Variants in BRI3BP observed in about 807,000 individuals in gnomAD.
BRI3BP encodes the protein BRI3-binding protein.
Under a neutral mutation model 15.8 loss-of-function variants are expected in BRI3BP, and 7 were observed. The observed-to-expected ratio is 0.44, with a 90% CI of 0.25 to 0.83. The LOEUF is 0.83. Ranked by LOEUF, BRI3BP falls within the 40% of genes least tolerant of loss-of-function variation. The pLI is 0.20. For synonymous variants in BRI3BP, 192 were observed against 163.5 expected, an observed-to-expected ratio of 1.17 and a Z score of -1.33; for missense variants, 320 against 339.3, an observed-to-expected ratio of 0.94 and a Z score of 0.45.
Position 125,006,581 on chromosome 12 carries a change from A to T in BRI3BP, c.214-5953A>T, listed in dbSNP as rs199611648. 3.9e-5 allele frequency among the ~76,000 whole-genome samples: 6 copies of T among 152,292 alleles called. No individual in the cohort carries two copies. In the East Asian group the frequency reaches 1.2e-3, roughly 29 times the overall value. On this transcript the variant is annotated intron_variant, in intron 1 of 2. Coordinates refer to ENST00000341446, the MANE Select transcript of BRI3BP (RefSeq NM_080626.6). ...GGAGGTGACTGCTCAGCTTGCAGGG[A>T]GTTCCAGGTTGCCACCCTGCAACCC...
intron 1 of BRI3BP, among the ~76,000 whole-genome samples, chr12:125,003,209 G>C (rs1955111592): frequency 6.6e-6 from 1 of 152,204 alleles, no homozygotes; most frequent in African/African-American, 2.4e-5. Context: ...GGGTGATGGA[G>C]GTAAAGCGAG....
chr12:125,025,262 C>T lies in BRI3BP; in HGVS notation c.588C>T (p.Phe196=). Residue 196 remains phenylalanine, a synonymous_variant, in exon 3 of 3, where the codon TTC becomes TTT. Transcript: ENST00000341446. ...LPLCFVVAVY[F]MTGPMGFYWR... Reference sequence around the variant, plus strand: ...TGTGCTTCGTGGTGGCCGTCTACTTCATGACCGGGCCCATGGGCTTCTACT... The same window carrying T: ...TGTGCTTCGTGGTGGCCGTCTACTTTATGACCGGGCCCATGGGCTTCTACT... The T allele has an allele frequency of 6.2e-7, 1 of 1,614,158 alleles. No homozygotes were observed. Among genetic ancestry groups the T allele is most frequent in the South Asian group, 1.1e-5 (1 of 91,090 alleles).
chr12:125,018,574 C>T (rs1237512771), intron 2 of BRI3BP, among the ~76,000 whole-genome samples: 1 of 152,080 alleles, frequency 6.6e-6, no homozygotes, highest in African/African-American at 2.4e-5. Context: ...AGGAGAGGCC[C>T]GGGCAGATTC....
intron 1 of BRI3BP, among the ~76,000 whole-genome samples, chr12:125,001,129 A>T (rs1034344235): frequency 6.7e-6 from 1 of 150,158 alleles, no homozygotes; most frequent in Admixed American, 6.6e-5. Flanking sequence ...ATCTCGGCCC[A>T]CTGCAAGCTC....
intron 1 of BRI3BP, among the ~76,000 whole-genome samples, chr12:125,011,977 G>C (rs1388374105): frequency 6.6e-6 from 1 of 152,186 alleles, no homozygotes; most frequent in Non-Finnish European, 1.5e-5. Flanking sequence ...GACTGCTTGA[G>C]GCTTAGAGTT....
chr12:125,034,023 C>T (rs775974403), downstream of BRI3BP, among the ~76,000 whole-genome samples: 6 of 151,892 alleles, frequency 4.0e-5, no homozygotes, highest in African/African-American at 7.3e-5. Flanking sequence ...GGATTACAGG[C>T]GTGAGCCACC....
intron 1 of BRI3BP, among the ~76,000 whole-genome samples, 170 bp downstream of exon 1, chr12:124,994,173 C>A (rs1184362572): frequency 2.6e-5 from 4 of 151,670 alleles, no homozygotes; most frequent in African/African-American, 9.7e-5. Context: ...CCCCGCCGGG[C>A]CTGACCAGTG....
In BRI3BP at chr12:124,994,017, C is replaced by G. The variant is rs1432086152; in HGVS notation, c.213+14C>G. On this transcript the variant is annotated intron_variant, in intron 1 of 2. Transcript: ENST00000341446. ...GCCGCTCAGAAGGTGGGCGCCGGGC[C>G]CGCGCCCGCGGTCACCTTGCCCCGG... 1 of 1,318,062 alleles carries G rather than the reference C, an allele frequency of 7.6e-7. No individual in the cohort carries two copies. Among genetic ancestry groups the G allele is most frequent in the Non-Finnish European group, 9.8e-7 (1 of 1,020,872 alleles). The allele number at this position is 1,318,062 out of a possible 1,614,324, so 81.6% of individuals were successfully genotyped here. A position where few individuals can be genotyped will look rare whatever the true frequency, so the allele number is the denominator to read the frequency against.
chr12:125,041,799 C>T, the BRI3BP span, among the ~76,000 whole-genome samples: 3 of 152,204 alleles, frequency 2.0e-5, no homozygotes. Flanking sequence ...TGGGCTCCAA[C>T]AATCCTTCCC....
chr12:125,004,450 G>GGCA (rs1955125458), intron 1 of BRI3BP, among the ~76,000 whole-genome samples: 1 of 151,972 alleles, frequency 6.6e-6, no homozygotes, highest in Non-Finnish European at 1.5e-5. Context: ...GATTACAGGC[G>GGCA]TTAGCCACCA....
At chr12:124,997,306 C>G (rs1276789110) in intron 1 of BRI3BP, among the ~76,000 whole-genome samples, 2 of 141,218 alleles carry the variant, frequency 1.4e-5, no homozygotes, top group Non-Finnish European at 3.0e-5. Context: ...ACCTCCGCCT[C>G]CCGGATTCAC....
intron 1 of BRI3BP, among the ~76,000 whole-genome samples, chr12:124,994,439 C>T (rs1326193603): frequency 6.6e-6 from 1 of 152,202 alleles, no homozygotes; most frequent in Non-Finnish European, 1.5e-5. Context: ...CGACCCACTT[C>T]CCCTGGGACC....
intron 1 of BRI3BP, among the ~76,000 whole-genome samples, chr12:125,001,695 C>T (rs1955092876): frequency 6.6e-6 from 1 of 151,806 alleles, no homozygotes. Context: ...ACTTTTACAG[C>T]ATTGACATTT....
chr12:125,017,133 C>A (rs1955253725), intron 2 of BRI3BP, among the ~76,000 whole-genome samples: 1 of 151,878 alleles, frequency 6.6e-6, no homozygotes, highest in South Asian at 2.1e-4. Context: ...AATTCTCGTG[C>A]CTCAGTCTCC....
the BRI3BP span, among the ~76,000 whole-genome samples, chr12:125,046,097 G>C: frequency 6.6e-6 from 1 of 151,964 alleles, no homozygotes; most frequent in Non-Finnish European, 1.5e-5. Flanking sequence ...CCCAGGAGGT[G>C]GAGGTTGCAG....
Position 125,012,521 on chromosome 12 carries a change from C to A in BRI3BP, c.214-13C>A. ...ACAGTGATTGGGTGATGACCGTTTT[C>A]TTGTTTCTGCAGTTCTTGGCCAGGC... On this transcript the variant is annotated splice_polypyrimidine_tract_variant and intron_variant, in intron 1 of 2. Transcript: ENST00000341446. 3 of 1,579,804 alleles carry A rather than the reference C, an allele frequency of 1.9e-6. No individual in the cohort carries two copies. In the South Asian group the frequency reaches 3.3e-5, roughly 17 times the overall value.
At chr12:124,999,575 C>T (rs1001965408) in intron 1 of BRI3BP, among the ~76,000 whole-genome samples, 7 of 151,578 alleles carry the variant, frequency 4.6e-5, no homozygotes, top group African/African-American at 1.2e-4. Context: ...AGGTCTGCAC[C>T]GCCATGCCCT....
At chr12:125,008,881 C>T (rs958197050) in intron 1 of BRI3BP, among the ~76,000 whole-genome samples, 22 of 152,060 alleles carry the variant, frequency 1.4e-4, no homozygotes, top group African/African-American at 3.6e-4. Flanking sequence ...GGGGGTGACG[C>T]GGACAGTGGC....
At chr12:125,034,677 C>T (rs1955430210), downstream of BRI3BP, among the ~76,000 whole-genome samples, 1 of 151,948 alleles carries the variant, frequency 6.6e-6, no homozygotes, top group African/African-American at 2.4e-5. Context: ...GCAACCTCTG[C>T]CTCCCAGTTT....
Sources: allele counts gnomAD v4.1 joint callset (sites outside exome capture counted in the v4.1 genomes callset), GRCh38; gene constraint gnomAD v4.1.1; transcripts MANE v1.5; gene names NCBI Gene and HGNC (gene_info 2026-07-23, HGNC 2026-07-21).